VWF: variants seen among roughly 807,000 people sequenced by gnomAD.
VWF encodes Factor VIII related antigen.
In VWF, 176 loss-of-function variants were observed where a neutral mutation model predicts 308.6. That is an observed-to-expected ratio of 0.57 (90% CI 0.50 to 0.65). VWF has a LOEUF of 0.65. Among genes scored for constraint, VWF ranks in the 30% least tolerant of loss-of-function variants. VWF has a pLI of 0.00. For missense variants in VWF, 3,146 were observed against 3,648.2 expected (o/e 0.86, Z 3.55); for synonymous variants, 1,385 against 1,443.4 (o/e 0.96, Z 0.92).
intron 34 of VWF, among the ~76,000 whole-genome samples, chr12:5,997,078 C>G (rs1196867657): frequency 6.6e-6 from 1 of 152,140 alleles, no homozygotes; most frequent in Non-Finnish European, 1.5e-5. Flanking sequence ...ACTAACATCC[C>G]TCACTCATAG....
chr12:6,038,642 T>A (rs1944364086), intron 18 of VWF, among the ~76,000 whole-genome samples: 1 of 152,154 alleles, frequency 6.6e-6, no homozygotes, highest in Non-Finnish European at 1.5e-5. Context: ...AGCCGCCACC[T>A]CCTCCTCCTT....
intron 27 of VWF, chr12:6,021,584 G>A: frequency 3.0e-6 from 1 of 335,216 alleles, no homozygotes; most frequent in Non-Finnish European, 5.7e-6. Context: ...AGGACAATAA[G>A]TGACCATACC....
At chr12:5,987,063 G>A (rs545319304) in intron 38 of VWF, among the ~76,000 whole-genome samples, 1 of 152,272 alleles carries the variant, frequency 6.6e-6, no homozygotes, top group South Asian at 2.1e-4. Context: ...AAATAGTTGG[G>A]ACTATAGGCA....
chr12:5,998,755 G>T (rs1943839965), intron 34 of VWF, among the ~76,000 whole-genome samples: 1 of 151,670 alleles, frequency 6.6e-6, no homozygotes, highest in Non-Finnish European at 1.5e-5. Flanking sequence ...CAAGAGAAGT[G>T]TCACTCTTGT....
At chr12:5,950,674 AC>A (rs1943179641) in intron 50 of VWF, among the ~76,000 whole-genome samples, 1 of 151,956 alleles carries the variant, frequency 6.6e-6, no homozygotes, top group South Asian at 2.1e-4. Context: ...AAAAAAAAAA[AC>A]ATTTAGACCA....
chr12:5,984,308 C>T (rs1338229847), intron 40 of VWF, among the ~76,000 whole-genome samples: 1 of 152,232 alleles, frequency 6.6e-6, no homozygotes, highest in African/African-American at 2.4e-5. Context: ...ACCTCCTTTA[C>T]ATTAATTGTT....
At chr12:6,074,080 C>A (rs915257052) in intron 7 of VWF, among the ~76,000 whole-genome samples, 1 of 152,136 alleles carries the variant, frequency 6.6e-6, no homozygotes. Context: ...CTCCTCTAGG[C>A]TCAAAACAAG....
At chr12:6,041,014 A>G (rs991409620) in intron 18 of VWF, among the ~76,000 whole-genome samples, 2 of 152,234 alleles carry the variant, frequency 1.3e-5, no homozygotes, top group African/African-American at 4.8e-5. Flanking sequence ...AAGCACAGAA[A>G]CTAAGAGAAA....
At chr12:6,092,626 T>TGAGAGTGAGAGTGAGAGAGAGAGA (rs1242670462) in intron 6 of VWF, among the ~76,000 whole-genome samples, 2 of 83,492 alleles carry the variant, frequency 2.4e-5, no homozygotes, top group African/African-American at 6.4e-5. Flanking sequence ...AGAGTGTGTG[T>TGAGAGTGAGAGTGAGAGAGAGAGA]GTGTGTGTGT....
chr12:6,120,979 A>T (rs1450682308), intron 3 of VWF, among the ~76,000 whole-genome samples, 195 bp downstream of exon 3: 1 of 151,900 alleles, frequency 6.6e-6, no homozygotes, highest in Non-Finnish European at 1.5e-5. Flanking sequence ...CATCCATCCC[A>T]CCCGGCTCCC....
intron 47 of VWF, among the ~76,000 whole-genome samples, chr12:5,964,919 A>G (rs1169690943): frequency 6.6e-6 from 1 of 152,236 alleles, no homozygotes; most frequent in East Asian, 1.9e-4. Context: ...GCTTGGAAGA[A>G]GCAAGGGAGG....
intron 8 of VWF, 69 bp from the exon 9 acceptor site, chr12:6,072,511 A>C: frequency 7.8e-7 from 1 of 1,279,244 alleles, no homozygotes; most frequent in Non-Finnish European, 1.1e-6. Context: ...CAACTATAGA[A>C]TCCCCAGGGA....
Position 5,994,700 on chromosome 12 carries a change from C to A in VWF, c.6064-93G>T, listed in dbSNP as rs1023910109. ...ACCGAGAGTTCCTGCACATTCATCACACTCAACTGCAACATCAGCCACAAA... is the reference window on the plus strand; with the variant it reads ...ACCGAGAGTTCCTGCACATTCATCAAACTCAACTGCAACATCAGCCACAAA... On this transcript the variant is annotated intron_variant, in intron 35 of 51. Transcript: ENST00000261405. 1.8e-5 allele frequency: 20 copies of A among 1,084,388 alleles called. No individual in the cohort carries two copies. The African/African-American group carries it at 2.8e-4, about 15-fold the overall frequency. 67.2% of individuals were successfully genotyped at this position (1,084,388 alleles called of 1,614,324 possible). A position where few individuals can be genotyped will look rare whatever the true frequency, so the allele number is the denominator to read the frequency against.
In VWF at chr12:6,121,299, G is replaced by A. The variant is rs537944350; in HGVS notation, c.95C>T (p.Thr32Met). ...ACTTCCGAAAAGGCTGCATCGGGCC[G>A]TGGATGACCTGCCGCGAGTTCCTTC... is the stretch of plus-strand genomic sequence containing the variant. Reference protein sequence around the residue: ...CAEGTRGRSSTARCSLFGSDF... With the variant: ...CAEGTRGRSSMARCSLFGSDF... The change falls in exon 3 of 52, where the codon ACG becomes ATG. Residue 32 changes from threonine to methionine, a missense_variant. Coordinates refer to ENST00000261405, the MANE Select transcript of VWF (RefSeq NM_000552.5). 7.4e-6 allele frequency: 12 copies of A among 1,614,200 alleles called. No individual in the cohort carries two copies. The highest frequency in any genetic ancestry group is 5.0e-5 in the Admixed American group (3 of 60,008).
Position 6,019,682 on chromosome 12 carries a change from G to A in VWF, c.3736C>T (p.Pro1246Ser), listed in dbSNP as rs763785588. 6.2e-7 allele frequency: 1 copy of A among 1,613,698 alleles called. No individual in the cohort carries two copies. The highest frequency in any genetic ancestry group is 8.5e-7 in the Non-Finnish European group (1 of 1,179,796). The change falls in exon 28 of 52, where the codon CCT becomes TCT. Residue 1246 changes from proline (P) to serine (S), a missense_variant. By Grantham distance (74) the Pro-to-Ser change is moderately conservative. Transcript: ENST00000261405. This position sits in a 1 kb window ranked among gnomAD's most constrained non-coding sequence, Gnocchi z 5.8. ...ACQEPGGLVV[P>S]PTDAPVSPTT... Reference sequence around the variant, plus strand: ...GGGCTCACCGGGGCATCTGTGGGAGGCACCACCAGGCCTCCCGGCTCCTGG... The same window carrying A: ...GGGCTCACCGGGGCATCTGTGGGAGACACCACCAGGCCTCCCGGCTCCTGG...
At chr12:6,066,601 C>T (rs953415976) in intron 10 of VWF, among the ~76,000 whole-genome samples, 11 of 152,262 alleles carry the variant, frequency 7.2e-5, no homozygotes, top group African/African-American at 2.7e-4. Context: ...CCTCAGCCTC[C>T]ACCTGAAGTT....
chr12:6,030,598 T>C (rs1235935068), intron 21 of VWF, among the ~76,000 whole-genome samples: 2 of 152,204 alleles, frequency 1.3e-5, no homozygotes, highest in African/African-American at 2.4e-5. Context: ...CCAGACCTAC[T>C]GAGTCAGAAT....
chr12:6,000,818 A>C (rs1943864797), intron 34 of VWF, among the ~76,000 whole-genome samples: 1 of 149,872 alleles, frequency 6.7e-6, no homozygotes, highest in African/African-American at 2.5e-5. Flanking sequence ...TCTCAAAAAA[A>C]AAAAAAAAAA....
At chr12:5,987,622 A>G (rs895356274) in intron 38 of VWF, among the ~76,000 whole-genome samples, 21 of 152,250 alleles carry the variant, frequency 1.4e-4, no homozygotes, top group Admixed American at 3.3e-4. Context: ...AGAAAAATAA[A>G]TTGTGATACA....
Sources: gnomAD v4.1 joint callset for allele counts (sites outside exome capture counted in the v4.1 genomes callset) on GRCh38, gnomAD v4.1.1 for gene constraint, Gnocchi (gnomAD v3.1) non-coding constraint, MANE v1.5 for transcripts, NCBI Gene and HGNC (gene_info 2026-07-23, HGNC 2026-07-21) for gene names.